The following VXN variants were observed in gnomAD, a reference collection of about 807,000 sequenced individuals.
The protein encoded by VXN is vexin.
A neutral mutation model predicts 23.1 loss-of-function variants in VXN; 7 were observed. That is an observed-to-expected ratio of 0.30 (90% CI 0.17 to 0.57). VXN has a LOEUF of 0.57. VXN is among the 20% of genes least tolerant of loss of function. VXN has a pLI of 0.91. For synonymous variants in VXN, 120 were observed against 105.8 expected (o/e 1.13, Z -0.83); for missense variants, 238 against 272.6 (o/e 0.87, Z 0.89).
intron 3 of VXN, among the ~76,000 whole-genome samples, chr8:66,509,610 CTT>C (rs1301497474): frequency 2.0e-5 from 3 of 152,152 alleles, no homozygotes; most frequent in African/African-American, 7.2e-5. Context: ...TGTTTAATCT[CTT>C]GTGATCTGAG....
At chr8:66,510,867 C>T (rs1239140818) in intron 4 of VXN, among the ~76,000 whole-genome samples, 1 of 152,198 alleles carries the variant, frequency 6.6e-6, no homozygotes, top group African/African-American at 2.4e-5. Flanking sequence ...CTAATCACCT[C>T]CCAAAGGTCC....
intron 2 of VXN, chr8:66,505,125 C>T (rs554909376): frequency 4.6e-5 from 29 of 626,658 alleles, no homozygotes; most frequent in Admixed American, 3.2e-4. Flanking sequence ...GAGGAACACC[C>T]CTGCCCGCTC....
chr8:66,496,413 A>T (rs746385448), intron 1 of VXN, 24 bp from the exon 2 acceptor site: 1 of 1,613,252 alleles, frequency 6.2e-7, no homozygotes, highest in Non-Finnish European at 8.5e-7. Context: ...GTCTAAAACC[A>T]TTTCTTTCTC....
At chr8:66,510,365 C>T in intron 4 of VXN, 1 of 515,418 alleles carries the variant, frequency 1.9e-6, no homozygotes, top group Non-Finnish European at 3.4e-6. Context: ...CTGCTTCTCT[C>T]TTTCTTGTGA....
In VXN at chr8:66,517,433, G is replaced by A. The variant is rs555223634; in HGVS notation, c.*1357G>A. ...ACTAAGGCACCTAACTTATGTGAGT[G>A]TCAGGCTTCAATGCCTGTGTTAGAG... On this transcript the variant is annotated 3_prime_UTR_variant, in exon 6 of 6. Transcript: ENST00000305454. 5.2e-4 allele frequency: 79 copies of A among 152,318 alleles called. No individual in the cohort carries two copies. The highest frequency in any genetic ancestry group is 1.9e-3 in the African/African-American group (78 of 41,578). 9.4% of individuals were successfully genotyped at this position (152,318 alleles called of 1,614,324 possible). A position where few individuals can be genotyped will look rare whatever the true frequency, so the allele number is the denominator to read the frequency against.
intron 3 of VXN, among the ~76,000 whole-genome samples, chr8:66,508,091 C>T (rs1006346772): frequency 6.6e-6 from 1 of 152,002 alleles, no homozygotes; most frequent in Non-Finnish European, 1.5e-5. Flanking sequence ...TCCTCAGGCA[C>T]CTCAGAACCA....
chr8:66,512,170 C>T (rs893905143), intron 4 of VXN, among the ~76,000 whole-genome samples: 8 of 152,030 alleles, frequency 5.3e-5, no homozygotes, highest in African/African-American at 1.9e-4. Flanking sequence ...TATCAGAAAT[C>T]TGTGACACCA....
chr8:66,510,479 G>A (rs564300492), intron 4 of VXN: 12 of 251,802 alleles, frequency 4.8e-5, no homozygotes, highest in South Asian at 2.1e-4. Flanking sequence ...ACAGGACCCC[G>A]CCAGGTAGAA....
intron 4 of VXN, chr8:66,510,475 C>G: frequency 3.9e-6 from 1 of 255,104 alleles, no homozygotes; most frequent in South Asian, 6.8e-5. Flanking sequence ...TATCACAGGA[C>G]CCCGCCAGGT....
At chr8:66,510,235 A>G in intron 4 of VXN, 78 bp downstream of exon 4, 1 of 1,161,744 alleles carries the variant, frequency 8.6e-7, no homozygotes, top group Admixed American at 2.1e-5. Flanking sequence ...TGTGCCATGA[A>G]GAGAGACTCA....
intron 3 of VXN, 113 bp downstream of exon 3, chr8:66,505,641 G>A (rs1450236948): frequency 1.6e-6 from 2 of 1,281,614 alleles, no homozygotes; most frequent in Non-Finnish European, 2.1e-6. Flanking sequence ...CCTCAGTCGC[G>A]CCAGGTGACC....
At chr8:66,497,736 AT>A (rs1399728512) in intron 2 of VXN, among the ~76,000 whole-genome samples, 1 of 152,092 alleles carries the variant, frequency 6.6e-6, no homozygotes, top group East Asian at 1.9e-4. Flanking sequence ...TCCATTAAAA[AT>A]TTTTTTCGAC....
chr8:66,502,318 A>G (rs1807700428), intron 2 of VXN, among the ~76,000 whole-genome samples: 1 of 152,214 alleles, frequency 6.6e-6, no homozygotes, highest in South Asian at 2.1e-4. Context: ...CACGACAATG[A>G]AGATTCGTGG....
chr8:66,496,907 A>G (rs1807632992), intron 2 of VXN, among the ~76,000 whole-genome samples: 1 of 151,042 alleles, frequency 6.6e-6, no homozygotes, highest in Non-Finnish European at 1.5e-5. Context: ...TTTTTTTGAG[A>G]TGGAGTCTCT....
intron 3 of VXN, among the ~76,000 whole-genome samples, chr8:66,508,277 A>G (rs991691038): frequency 1.3e-5 from 2 of 151,700 alleles, no homozygotes; most frequent in Non-Finnish European, 2.9e-5. Context: ...ACCTCAAGCC[A>G]CCCTGGCTCC....
At chr8:66,511,364 T>A (rs1807822601) in intron 4 of VXN, among the ~76,000 whole-genome samples, 1 of 152,192 alleles carries the variant, frequency 6.6e-6, no homozygotes, top group Admixed American at 6.5e-5. Flanking sequence ...CAGGCCCTCA[T>A]CGTCACAAAC....
At chr8:66,514,629 C>T (rs765845238) in intron 5 of VXN, among the ~76,000 whole-genome samples, 4 of 152,116 alleles carry the variant, frequency 2.6e-5, no homozygotes, top group Non-Finnish European at 5.9e-5. Flanking sequence ...GGGTTTTTGC[C>T]ATGTTGGACA....
At chr8:66,503,908 G>A (rs1434261941) in intron 2 of VXN, among the ~76,000 whole-genome samples, 2 of 152,244 alleles carry the variant, frequency 1.3e-5, no homozygotes, top group African/African-American at 4.8e-5. Context: ...TGGAAAATGA[G>A]AACCAAGTAT....
intron 4 of VXN, among the ~76,000 whole-genome samples, chr8:66,512,980 A>T (rs2130559229): frequency 6.6e-6 from 1 of 152,196 alleles, no homozygotes; most frequent in South Asian, 2.1e-4. Context: ...GGAGTGCCTT[A>T]TGCTTCTACA....
Sources: gnomAD v4.1 joint callset for allele counts (sites outside exome capture counted in the v4.1 genomes callset) on GRCh38, gnomAD v4.1.1 for gene constraint, MANE v1.5 for transcripts, NCBI Gene and HGNC (gene_info 2026-07-23, HGNC 2026-07-21) for gene names.